Variants in CCDC179 observed in about 807,000 individuals in gnomAD.
CCDC179 encodes the protein coiled-coil domain containing 179.
CCDC179 carries 17 observed loss-of-function variants against 12.0 expected under a neutral mutation model. The ratio of observed to expected loss-of-function variants is 1.42; its 90% CI spans 0.97 to 2.13. The LOEUF is 2.13. CCDC179 is among the 30% of genes most tolerant of loss of function. CCDC179 has a pLI of 0.00. For missense variants in CCDC179, 83 were observed against 78.6 expected, an observed-to-expected ratio of 1.06 and a Z score of -0.21; for synonymous variants, 27 against 26.4, an observed-to-expected ratio of 1.02 and a Z score of -0.07.
intron 3 of CCDC179, 105 bp downstream of exon 3, chr11:22,857,817 A>G: frequency 1.9e-6 from 1 of 523,938 alleles, no homozygotes; most frequent in Non-Finnish European, 3.1e-6. Context: ...AATTTCTCAA[A>G]GAGAAAGGGA....
chr11:22,857,460 AAATGAT>A (rs1858553866), intron 3 of CCDC179, among the ~76,000 whole-genome samples: 1 of 151,748 alleles, frequency 6.6e-6, no homozygotes, highest in Non-Finnish European at 1.5e-5. Flanking sequence ...ATCTACATGA[AAATGAT>A]AATGATAATA....
chr11:22,858,708 T>C (rs1299382516), intron 2 of CCDC179, among the ~76,000 whole-genome samples: 1 of 151,998 alleles, frequency 6.6e-6, no homozygotes, highest in Non-Finnish European at 1.5e-5. Context: ...GATTCAACCA[T>C]TACACTCCTG....
chr11:22,850,969 T>TAC (rs1858377643), intron 3 of CCDC179, among the ~76,000 whole-genome samples: 1 of 20,796 alleles, frequency 4.8e-5, no homozygotes, highest in Admixed American at 7.0e-4. Flanking sequence ...TATATATATA[T>TAC]ATATATATTT....
At chr11:22,856,604 C>A (rs902922380) in intron 3 of CCDC179, among the ~76,000 whole-genome samples, 2 of 151,300 alleles carry the variant, frequency 1.3e-5, no homozygotes, top group Non-Finnish European at 3.0e-5. Context: ...AGGAAAAAGG[C>A]AAAAATGTAC....
At chr11:22,856,516 C>T (rs1219851094) in intron 3 of CCDC179, among the ~76,000 whole-genome samples, 1 of 151,472 alleles carries the variant, frequency 6.6e-6, no homozygotes, top group African/African-American at 2.4e-5. Context: ...TCTTTCACTT[C>T]ATAAGGAACA....
chr11:22,849,816 T>C (rs1292835408), intron 3 of CCDC179, among the ~76,000 whole-genome samples: 2 of 152,010 alleles, frequency 1.3e-5, no homozygotes, highest in African/African-American at 2.4e-5. Flanking sequence ...ACCAAGAAAA[T>C]TTAGGACACG....
chr11:22,850,310 G>C (rs1483239727), intron 3 of CCDC179, among the ~76,000 whole-genome samples: 1 of 152,180 alleles, frequency 6.6e-6, no homozygotes, highest in Non-Finnish European at 1.5e-5. Context: ...ATCTGCCTAA[G>C]TAATTTCTTC....
intron 3 of CCDC179, 41 bp from the exon 4 acceptor site, chr11:22,847,562 T>A: frequency 9.0e-7 from 1 of 1,105,688 alleles, no homozygotes; most frequent in Non-Finnish European, 1.2e-6. Flanking sequence ...GAAATTTAAT[T>A]AAAATTTATA....
chr11:22,855,906 A>G (rs1043467697), intron 3 of CCDC179, among the ~76,000 whole-genome samples: 2 of 151,444 alleles, frequency 1.3e-5, no homozygotes, highest in South Asian at 2.1e-4. Flanking sequence ...CAATAGCTCT[A>G]TGCTCATAAA....
intron 2 of CCDC179, 96 bp downstream of exon 2, chr11:22,859,356 T>G: frequency 1.4e-6 from 1 of 734,250 alleles, no homozygotes; most frequent in Non-Finnish European, 2.0e-6. Flanking sequence ...GTCTACTTAA[T>G]ACAAGTTCTA....
chr11:22,859,530 CA>C, intron 1 of CCDC179, 34 bp from the exon 2 acceptor site: 4 of 1,320,240 alleles, frequency 3.0e-6, no homozygotes, highest in Non-Finnish European at 4.0e-6. Flanking sequence ...CACATTCACA[CA>C]AAAAAGTCAT....
chr11:22,848,735 G>T (rs989229754), intron 3 of CCDC179, among the ~76,000 whole-genome samples: 13 of 152,170 alleles, frequency 8.5e-5, no homozygotes, highest in Admixed American at 2.0e-4. Flanking sequence ...ATTGCAAAAT[G>T]TATAAGAGAT....
intron 3 of CCDC179, among the ~76,000 whole-genome samples, chr11:22,857,184 T>A (rs2134848491): frequency 6.6e-6 from 1 of 151,694 alleles, no homozygotes; most frequent in East Asian, 1.9e-4. Context: ...AATTTTATAT[T>A]GAAAGGGAAA....
At position 22,859,580 on chromosome 11, in the gene CCDC179, G is replaced by A. The variant is rs1458259555; in HGVS notation, c.46-84C>T. The A allele has an allele frequency of 1.2e-5, 9 of 740,250 alleles. No individual in the cohort carries two copies. In the African/African-American group the frequency reaches 1.6e-4, roughly 13 times the overall value. 45.9% of individuals were successfully genotyped at this position (740,250 alleles called of 1,614,324 possible). ...TTAATTATTATAATAGGAAGCCTATGCTACTTTTAAATTTATGTATTATAT... is the reference window on the plus strand; with the variant it reads ...TTAATTATTATAATAGGAAGCCTATACTACTTTTAAATTTATGTATTATAT... On this transcript the variant is annotated intron_variant, in intron 1 of 3. Coordinates refer to ENST00000532798, the MANE Select transcript of CCDC179 (RefSeq NM_001195637.2).
chr11:22,849,644 TA>T (rs2134826885), intron 3 of CCDC179, among the ~76,000 whole-genome samples: 1 of 152,256 alleles, frequency 6.6e-6, no homozygotes, highest in East Asian at 1.9e-4. Flanking sequence ...ACCCAACGTA[TA>T]GTCTTTTAGC....
rs1858607858 is a variant in CCDC179 at position 22,859,303 on chromosome 11, T to C, written c.90+149A>G. 1.2e-5 allele frequency: 5 copies of C among 416,190 alleles called. No homozygotes were observed. In the Admixed American group the frequency reaches 1.7e-4, roughly 14 times the overall value. 25.8% of individuals were successfully genotyped at this position (416,190 alleles called of 1,614,324 possible). ...TTACCCTAGTTAAGACCCATTCCAA[T>C]AGTAGTCATTAGATCCCAGAGTCCC... On this transcript the variant is annotated intron_variant, in intron 2 of 3. Transcript: ENST00000532798.
chr11:22,854,960 CAAT>C (rs1394462852), intron 3 of CCDC179, among the ~76,000 whole-genome samples: 1 of 151,532 alleles, frequency 6.6e-6, no homozygotes, highest in Non-Finnish European at 1.5e-5. Flanking sequence ...GAAAAAGTAT[CAAT>C]GATAAAGAGG....
rs1190208488 is a variant in CCDC179 at position 22,857,977 on chromosome 11, C to T, written c.140G>A (p.Arg47Lys). The change falls in exon 3 of 4, where the codon AGG becomes AAG. Residue 47 changes from arginine (R) to lysine (K), a missense_variant. Transcript: ENST00000532798. ...QNMQHLKKEK[R>K]RLNKRFSRPS... ...CCTTGAAAACCTTTTATTCAGTCTCCTCTTCTCTTTCTTTAGGTGTTGCAT... is the reference window on the plus strand; with the variant it reads ...CCTTGAAAACCTTTTATTCAGTCTCTTCTTCTCTTTCTTTAGGTGTTGCAT... 6.5e-7 allele frequency: 1 copy of T among 1,528,164 alleles called. No homozygotes were observed. Among genetic ancestry groups the T allele is most frequent in the African/African-American group, 1.4e-5 (1 of 72,578 alleles). The allele number at this position is 1,528,164 out of a possible 1,614,324, so 94.7% of individuals were successfully genotyped here.
chr11:22,856,604 C>T (rs902922380), intron 3 of CCDC179, among the ~76,000 whole-genome samples: 1 of 151,300 alleles, frequency 6.6e-6, no homozygotes, highest in East Asian at 1.9e-4. Context: ...AGGAAAAAGG[C>T]AAAAATGTAC....
Sources: allele counts gnomAD v4.1 joint callset (sites outside exome capture counted in the v4.1 genomes callset), GRCh38; gene constraint gnomAD v4.1.1; transcripts MANE v1.5; gene names NCBI Gene and HGNC (gene_info 2026-07-23, HGNC 2026-07-21).